The following PPP2R2B variants were observed in gnomAD, a reference collection of about 807,000 sequenced individuals.
PPP2R2B encodes the protein serine/threonine-protein phosphatase 2A 55 kDa regulatory subunit B beta isoform.
A neutral mutation model predicts 46.0 loss-of-function variants in PPP2R2B; 5 were observed. The ratio of observed to expected loss-of-function variants is 0.11; its 90% CI spans 0.06 to 0.23. The LOEUF (loss-of-function observed/expected upper bound fraction) is 0.23, where lower values mean the gene tolerates loss of function less well. Among genes scored for constraint, PPP2R2B ranks in the 10% least tolerant of loss-of-function variants. The pLI is 1.00. For missense variants in PPP2R2B, 367 were observed against 575.0 expected, an observed-to-expected ratio of 0.64 and a Z score of 3.70; for synonymous variants, 215 against 206.7, an observed-to-expected ratio of 1.04 and a Z score of -0.34.
intron 1 of PPP2R2B, among the ~76,000 whole-genome samples, chr5:146,887,847 T>C (rs1299368170): frequency 1.3e-5 from 2 of 152,216 alleles, no homozygotes; most frequent in Non-Finnish European, 2.9e-5. Flanking sequence ...AGGCATCTAG[T>C]AGAGAACCAT....
At chr5:146,661,061 C>G (rs1776636827) in intron 5 of PPP2R2B, among the ~76,000 whole-genome samples, 2 of 152,162 alleles carry the variant, frequency 1.3e-5, no homozygotes, top group Admixed American at 1.3e-4. Context: ...CAATTCATCC[C>G]ACGAAAGCAG....
At chr5:147,004,063 C>T (rs755404486) in intron 1 of PPP2R2B, among the ~76,000 whole-genome samples, 73 of 151,988 alleles carry the variant, frequency 4.8e-4, no homozygotes, top group Non-Finnish European at 7.6e-4. Flanking sequence ...AAAGGAAAAG[C>T]GAGATCGGAG....
chr5:146,694,943 A>C (rs1779091120), intron 4 of PPP2R2B, among the ~76,000 whole-genome samples: 1 of 152,104 alleles, frequency 6.6e-6, no homozygotes, highest in African/African-American at 2.4e-5. Flanking sequence ...GGGATAGAAT[A>C]TATTTGTATA....
At position 146,618,526 on chromosome 5, in the gene PPP2R2B, T is replaced by C. The variant is rs7724132; in HGVS notation, c.791-18066A>G. On this transcript the variant is annotated intron_variant, in intron 7 of 9. Coordinates refer to ENST00000394411, the MANE Select transcript of PPP2R2B (RefSeq NM_181675.4). ...CAGCAGTGATAGAAAACTATCCTCC[T>C]CCGTTTGTCAACAAAGGGAGGGCTC... Among the ~76,000 whole-genome samples the C allele has an allele frequency of 3.2e-3, 494 of 152,344 alleles. 4 individuals are homozygous for C. The highest frequency in any genetic ancestry group is 0.011 in the African/African-American group (474 of 41,568).
chr5:146,669,558 T>C (rs1209129495), intron 5 of PPP2R2B, among the ~76,000 whole-genome samples: 2 of 152,126 alleles, frequency 1.3e-5, no homozygotes, highest in African/African-American at 2.4e-5. Context: ...GGGTGATTTA[T>C]GGGATTTTTC....
At chr5:146,833,418 C>G (rs1202654466) in intron 2 of PPP2R2B, among the ~76,000 whole-genome samples, 1 of 152,170 alleles carries the variant, frequency 6.6e-6, no homozygotes, top group Non-Finnish European at 1.5e-5. Context: ...GCAAACAAAG[C>G]TCTTAGGCTG....
At chr5:146,695,991 C>T (rs1482640881) in intron 4 of PPP2R2B, among the ~76,000 whole-genome samples, 2 of 151,956 alleles carry the variant, frequency 1.3e-5, no homozygotes, top group African/African-American at 4.8e-5. Flanking sequence ...CCTTGTTAAT[C>T]AAAAAACTAT....
rs1755896051 is a variant in PPP2R2B, at chr5:146,787,247, TC to T, written c.71-86106del. Among the ~76,000 whole-genome samples, 5 of 152,178 alleles carry T rather than the reference TC, an allele frequency of 3.3e-5. No individual in the cohort carries two copies. The South Asian group carries it at 1.0e-3, about 31-fold the overall frequency. ...AGGGAAATATGGCAACCTGGAATACTCCTACATGATCTACAGGGTGATCACT... is the reference window on the plus strand; with the variant it reads ...AGGGAAATATGGCAACCTGGAATACTCTACATGATCTACAGGGTGATCACT... On this transcript the variant is annotated intron_variant, in intron 2 of 9. Transcript: ENST00000394411.
intron 2 of PPP2R2B, among the ~76,000 whole-genome samples, chr5:146,703,490 A>C (rs1779657245): frequency 1.3e-5 from 2 of 152,176 alleles, no homozygotes; most frequent in South Asian, 4.1e-4. Context: ...GGTGGGCTGC[A>C]AGGGCCTTAC....
At chr5:146,772,283 T>C (rs1245860624) in intron 2 of PPP2R2B, among the ~76,000 whole-genome samples, 3 of 151,716 alleles carry the variant, frequency 2.0e-5, no homozygotes, top group Non-Finnish European at 4.4e-5. Context: ...GGGGATAAAG[T>C]AGTGAACCAC....
chr5:146,913,405 A>G (rs1763261971), intron 1 of PPP2R2B, among the ~76,000 whole-genome samples: 1 of 152,220 alleles, frequency 6.6e-6, no homozygotes, highest in Non-Finnish European at 1.5e-5. Context: ...CTTTCAAAGT[A>G]GCCCTACATC....
intron 2 of PPP2R2B, among the ~76,000 whole-genome samples, chr5:146,726,662 C>T (rs1751887225): frequency 6.6e-6 from 1 of 152,178 alleles, no homozygotes; most frequent in Non-Finnish European, 1.5e-5. Context: ...AAGATTCAAA[C>T]CCACACAGTC....
intron 2 of PPP2R2B, among the ~76,000 whole-genome samples, chr5:147,062,563 G>A (rs1490429213): frequency 1.3e-5 from 2 of 152,104 alleles, no homozygotes; most frequent in Admixed American, 1.3e-4. Context: ...TCAACTGCAA[G>A]CAAGTGGAGG....
chr5:146,851,813 G>A (rs906128627), intron 2 of PPP2R2B, among the ~76,000 whole-genome samples: 2 of 151,604 alleles, frequency 1.3e-5, no homozygotes, highest in African/African-American at 4.9e-5. Flanking sequence ...TTCATTTCAA[G>A]AGAGTCTTCA....
intron 7 of PPP2R2B, among the ~76,000 whole-genome samples, chr5:146,616,000 A>G (rs1407273335): frequency 1.3e-5 from 2 of 152,256 alleles, no homozygotes; most frequent in Non-Finnish European, 2.9e-5. Context: ...CTACAGAGTT[A>G]CAGTAACCAA....
At position 146,600,351 on chromosome 5, in the gene PPP2R2B, G is replaced by T. The variant is rs754730796; in HGVS notation, c.900C>A (p.Asp300Glu). 2 of 1,613,982 alleles carry T rather than the reference G, an allele frequency of 1.2e-6. No homozygotes were observed. The highest frequency in any genetic ancestry group is 1.7e-6 in the Non-Finnish European group (2 of 1,179,926). ...GATCCCAGACTTTGACGGTCAAGTA[G>T]TCCCTGGTCATGATATACCTCCCAC... ...SHSGRYIMTR[D>E]YLTVKVWDLN... is the part of the protein sequence containing the mutation. The change falls in exon 8 of 10, where the codon GAC becomes GAA. Residue 300 changes from aspartate to glutamate, a missense_variant. Around this residue, in one of 2 missense-constraint regions of PPP2R2B, gnomAD observed 361 missense variants for 545.5 expected, o/e 0.66. Transcript: ENST00000394411.
chr5:146,988,024 A>G (rs1753509270), intron 1 of PPP2R2B, among the ~76,000 whole-genome samples: 1 of 151,984 alleles, frequency 6.6e-6, no homozygotes, highest in Non-Finnish European at 1.5e-5. Context: ...AAGAGACAAA[A>G]TGCTACTATG....
chr5:146,920,821 G>T (rs540342580), intron 1 of PPP2R2B, among the ~76,000 whole-genome samples: 2 of 152,084 alleles, frequency 1.3e-5, no homozygotes, highest in African/African-American at 4.8e-5. Flanking sequence ...TATCCCCTAC[G>T]TTTGAAAAAC....
chr5:146,880,913 G>T (rs931250220), upstream of PPP2R2B, among the ~76,000 whole-genome samples: 1 of 152,114 alleles, frequency 6.6e-6, no homozygotes, highest in African/African-American at 2.4e-5. Context: ...TTTCCATTTG[G>T]CCAACTACTC....
Sources: allele counts gnomAD v4.1 joint callset (sites outside exome capture counted in the v4.1 genomes callset), GRCh38; gene constraint gnomAD v4.1.1; regional missense constraint gnomAD v4.1.1; transcripts MANE v1.5; gene names NCBI Gene and HGNC (gene_info 2026-07-23, HGNC 2026-07-21).